The following SLC44A1 variants were observed in gnomAD, a reference collection of about 807,000 sequenced individuals.
SLC44A1 encodes choline transporter-like protein 1.
Under a neutral mutation model 79.3 loss-of-function variants are expected in SLC44A1, and 26 were observed. That is an observed-to-expected ratio of 0.33 (90% confidence interval 0.24 to 0.46). The LOEUF is 0.46. SLC44A1 is among the 20% of genes least tolerant of loss of function. SLC44A1 has a pLI of 1.00. For missense variants in SLC44A1, 688 were observed against 798.1 expected (o/e 0.86, Z 1.66); for synonymous variants, 263 against 286.2 (o/e 0.92, Z 0.82).
At chr9:105,364,224 C>T (rs1460291077) in intron 9 of SLC44A1, among the ~76,000 whole-genome samples, 1 of 151,938 alleles carries the variant, frequency 6.6e-6, no homozygotes, top group Non-Finnish European at 1.5e-5. Context: ...GCTAAGAAAT[C>T]TGTAATGATT....
intron 15 of SLC44A1, among the ~76,000 whole-genome samples, chr9:105,430,155 C>T (rs374092819): frequency 2.0e-5 from 3 of 152,248 alleles, no homozygotes; most frequent in South Asian, 4.1e-4. Flanking sequence ...TTGGCTTCCC[C>T]GTGCCTGAAT....
In SLC44A1 at chr9:105,395,141, C is replaced by G. The variant is rs1476689617; in HGVS notation, c.*6085C>G. 4 of 985,366 alleles carry G rather than the reference C, an allele frequency of 4.1e-6. No individual in the cohort carries two copies. The highest frequency in any genetic ancestry group is 4.8e-6 in the Non-Finnish European group (4 of 829,970). The allele number at this position is 985,366 out of a possible 1,614,324, so 61.0% of individuals were successfully genotyped here. A position where few individuals can be genotyped will look rare whatever the true frequency, so the allele number is the denominator to read the frequency against. On this transcript the variant is annotated 3_prime_UTR_variant, in exon 16 of 16. Transcript: ENST00000374720. ...CAGGCTGAAGAAAGTGGAAATATAA[C>G]TGGCTGGTGAAGAAAGGAGAAAAGT...
intron 15 of SLC44A1, among the ~76,000 whole-genome samples, chr9:105,406,594 T>C (rs1002448533): frequency 6.6e-6 from 1 of 151,908 alleles, no homozygotes; most frequent in Non-Finnish European, 1.5e-5. Flanking sequence ...ATAGAAAAAG[T>C]AGCCGAACAT....
At chr9:105,254,201 C>CT (rs1171702996) in intron 1 of SLC44A1, among the ~76,000 whole-genome samples, 1 of 152,162 alleles carries the variant, frequency 6.6e-6, no homozygotes, top group Non-Finnish European at 1.5e-5. Context: ...CTCCTTGTTT[C>CT]TTTTTTGTCA....
chr9:105,379,425 C>G (rs909123958), intron 13 of SLC44A1, among the ~76,000 whole-genome samples: 1 of 152,120 alleles, frequency 6.6e-6, no homozygotes, highest in African/African-American at 2.4e-5. Context: ...GTATCAATGT[C>G]AATATCATGG....
At chr9:105,341,754 C>A (rs1483141306) in intron 4 of SLC44A1, among the ~76,000 whole-genome samples, 1 of 152,196 alleles carries the variant, frequency 6.6e-6, no homozygotes, top group African/African-American at 2.4e-5. Context: ...AACACTTTAT[C>A]CTCAATTCTG....
chr9:105,269,527 A>AT (rs1830033490), intron 1 of SLC44A1, among the ~76,000 whole-genome samples: 1 of 152,194 alleles, frequency 6.6e-6, no homozygotes, highest in Non-Finnish European at 1.5e-5. Context: ...TTTAGCCAGG[A>AT]ATGGCTTACT....
At chr9:105,308,642 A>G (rs769129612) in intron 2 of SLC44A1, among the ~76,000 whole-genome samples, 2 of 152,366 alleles carry the variant, frequency 1.3e-5, no homozygotes, top group South Asian at 4.1e-4. Flanking sequence ...GCATATGAGT[A>G]TAGTATTTTC....
chr9:105,432,108 G>A (rs1038214815), intron 15 of SLC44A1, among the ~76,000 whole-genome samples: 78 of 152,278 alleles, frequency 5.1e-4, no homozygotes, highest in African/African-American at 1.8e-3. Context: ...TTTTAGTAGA[G>A]ACGGAGTTTC....
At chr9:105,367,614 C>T (rs1270567180) in intron 12 of SLC44A1, among the ~76,000 whole-genome samples, 2 of 152,164 alleles carry the variant, frequency 1.3e-5, no homozygotes, top group African/African-American at 4.8e-5. Flanking sequence ...GAGAGATGTG[C>T]TAAGCCCAGA....
chr9:105,360,372 GT>G (rs1260760381), intron 7 of SLC44A1, among the ~76,000 whole-genome samples: 1 of 152,034 alleles, frequency 6.6e-6, no homozygotes, highest in African/African-American at 2.4e-5. Flanking sequence ...TTAATATACT[GT>G]ATTTTTCCTT....
chr9:105,370,176 A>G (rs563473144), intron 12 of SLC44A1, among the ~76,000 whole-genome samples: 38 of 152,378 alleles, frequency 2.5e-4, no homozygotes, highest in African/African-American at 8.7e-4. Flanking sequence ...GAAAGCCACA[A>G]AGGACTCCGA....
chr9:105,360,541 T>C (rs1827749208), intron 7 of SLC44A1, among the ~76,000 whole-genome samples: 1 of 152,222 alleles, frequency 6.6e-6, no homozygotes, highest in Admixed American at 6.5e-5. Flanking sequence ...AAGTCAGCTC[T>C]CATATGTGGA....
chr9:105,299,184 G>A (rs1290957732), intron 1 of SLC44A1, 36 bp from the exon 2 acceptor site: 4 of 1,467,716 alleles, frequency 2.7e-6, no homozygotes, highest in African/African-American at 1.4e-5. Context: ...ACTAAACTTA[G>A]CATTTAACAC....
intron 1 of SLC44A1, among the ~76,000 whole-genome samples, chr9:105,272,064 A>G (rs1245727461): frequency 6.6e-6 from 1 of 152,194 alleles, no homozygotes; most frequent in Non-Finnish European, 1.5e-5. Context: ...CTCATCTTCA[A>G]CAGTATCTAA....
At chr9:105,411,691 G>A (rs1829097449) in intron 15 of SLC44A1, among the ~76,000 whole-genome samples, 1 of 151,980 alleles carries the variant, frequency 6.6e-6, no homozygotes, top group Non-Finnish European at 1.5e-5. Context: ...GAAGAGTCAG[G>A]CCATTTATTT....
chr9:105,343,160 G>A (rs149088767), intron 4 of SLC44A1, among the ~76,000 whole-genome samples: 278 of 151,992 alleles, frequency 1.8e-3, no homozygotes, highest in African/African-American at 6.3e-3. Context: ...GTAAAGTCTG[G>A]CAGAAATCTT....
intron 4 of SLC44A1, among the ~76,000 whole-genome samples, chr9:105,344,537 A>C (rs993589922): frequency 6.6e-6 from 1 of 152,222 alleles, no homozygotes; most frequent in Non-Finnish European, 1.5e-5. Context: ...AGATTGAGGA[A>C]TGTTGTTTTA....
chr9:105,435,572 A>G (rs1277226547), intron 15 of SLC44A1, among the ~76,000 whole-genome samples: 1 of 152,170 alleles, frequency 6.6e-6, no homozygotes, highest in Admixed American at 6.6e-5. Flanking sequence ...ACAATGGTGG[A>G]ATGCTGCAAA....
Sources: gnomAD v4.1 joint callset for allele counts (sites outside exome capture counted in the v4.1 genomes callset) on GRCh38, gnomAD v4.1.1 for gene constraint, MANE v1.5 for transcripts, NCBI Gene and HGNC (gene_info 2026-07-23, HGNC 2026-07-21) for gene names.